The following UGP2 variants were observed in gnomAD, a reference collection of about 807,000 sequenced individuals.
UGP2 encodes UTP--glucose-1-phosphate uridylyltransferase.
Under a neutral mutation model 49.0 loss-of-function variants are expected in UGP2, and 40 were observed. The ratio of observed to expected loss-of-function variants is 0.82; its 90% CI spans 0.63 to 1.06. The LOEUF (loss-of-function observed/expected upper bound fraction) is 1.06, where lower values mean the gene tolerates loss of function less well. Ranked by LOEUF, UGP2 falls within the 50% of genes least tolerant of loss-of-function variation. The probability of loss-of-function intolerance (pLI) is 0.00; values close to 1 mark genes in which losing one functional copy is unlikely to be tolerated. For missense variants in UGP2, 460 were observed against 603.5 expected, an observed-to-expected ratio of 0.76 and a Z score of 2.49; for synonymous variants, 225 against 213.0, an observed-to-expected ratio of 1.06 and a Z score of -0.49.
chr2:63,870,211 C>T (rs938598369), intron 3 of UGP2, among the ~76,000 whole-genome samples: 6 of 152,142 alleles, frequency 3.9e-5, no homozygotes, highest in South Asian at 2.1e-4. Flanking sequence ...TGTGAGCCAC[C>T]GTGCCCGCCC....
At chr2:63,882,210 G>A (rs963742747) in intron 3 of UGP2, among the ~76,000 whole-genome samples, 6 of 152,098 alleles carry the variant, frequency 3.9e-5, no homozygotes, top group Admixed American at 6.5e-5. Context: ...AATATATAGG[G>A]CCTACAACTT....
intron 3 of UGP2, among the ~76,000 whole-genome samples, chr2:63,863,818 G>T (rs1366156353): frequency 1.3e-5 from 2 of 152,126 alleles, no homozygotes; most frequent in Non-Finnish European, 2.9e-5. Context: ...ATGAAAGATA[G>T]CTGAGAAGAA....
intron 1 of UGP2, among the ~76,000 whole-genome samples, chr2:63,844,287 G>C (rs1383159253): frequency 1.3e-5 from 2 of 152,142 alleles, no homozygotes; most frequent in Non-Finnish European, 2.9e-5. Flanking sequence ...TCAAGTGTAA[G>C]GGTTGGAAAT....
Position 63,886,365 on chromosome 2 carries a change from G to C in UGP2, c.898G>C (p.Gly300Arg). Reference protein sequence around the residue: ...VKGGTLTQYEGKLRLVEIAQV... With the variant: ...VKGGTLTQYERKLRLVEIAQV... ...GGGCGGGACACTCACTCAATATGAA[G>C]GCAAACTGAGACTGGTGGAAATTGC... Residue 300 changes from glycine to arginine, a missense_variant, in exon 7 of 10, where the codon GGC (glycine) becomes CGC (arginine). Gly to Arg is a moderately radical substitution (Grantham distance 125). Around this residue, in one of 2 missense-constraint regions of UGP2, gnomAD observed 317 missense variants for 473.0 expected, o/e 0.67. Transcript: ENST00000337130. 6.2e-7 allele frequency: 1 copy of C among 1,614,148 alleles called. No individual in the cohort carries two copies. Among genetic ancestry groups the C allele is most frequent in the African/African-American group, 1.3e-5 (1 of 75,040 alleles).
At chr2:63,880,356 T>C (rs1182654009) in intron 3 of UGP2, among the ~76,000 whole-genome samples, 1 of 151,918 alleles carries the variant, frequency 6.6e-6, no homozygotes, top group Non-Finnish European at 1.5e-5. Flanking sequence ...GTATTTTTTG[T>C]AGGGTCGGGG....
At chr2:63,856,535 C>T in intron 2 of UGP2, 102 bp downstream of exon 2, 1 of 1,340,510 alleles carries the variant, frequency 7.5e-7, no homozygotes, top group Admixed American at 2.3e-5. Context: ...CTCAAATCAG[C>T]ACAAGATGTA....
rs780064669 is a variant in UGP2 at position 63,886,373 on chromosome 2, G to C, written c.906G>C (p.Leu302=). 3 of 1,614,180 alleles carry C rather than the reference G, an allele frequency of 1.9e-6. No homozygotes were observed. The highest frequency in any genetic ancestry group is 3.3e-5 in the Admixed American group (2 of 60,026). Residue 302 remains leucine (L), a synonymous_variant, in exon 7 of 10, where the codon CTG becomes CTC. Transcript: ENST00000337130. ...GGTLTQYEGK[L]RLVEIAQVPK... ...CACTCACTCAATATGAAGGCAAACTGAGACTGGTGGAAATTGCTCAAGTGC... is the reference window on the plus strand; with the variant it reads ...CACTCACTCAATATGAAGGCAAACTCAGACTGGTGGAAATTGCTCAAGTGC...
chr2:63,845,379 A>G (rs1030526618), intron 1 of UGP2, among the ~76,000 whole-genome samples: 1 of 152,224 alleles, frequency 6.6e-6, no homozygotes, highest in African/African-American at 2.4e-5. Flanking sequence ...CTTTCCTGAA[A>G]TGATGGTGGC....
At chr2:63,845,860 C>G (rs1671893295) in intron 1 of UGP2, among the ~76,000 whole-genome samples, 1 of 152,110 alleles carries the variant, frequency 6.6e-6, no homozygotes, top group Non-Finnish European at 1.5e-5. Context: ...CTGGGTATCT[C>G]CATCCTCAAG....
intron 8 of UGP2, 158 bp downstream of exon 8, chr2:63,887,802 T>A: frequency 2.1e-6 from 2 of 963,778 alleles, no homozygotes; most frequent in Non-Finnish European, 3.0e-6. Flanking sequence ...CCATAGAAGA[T>A]AAATATTTTA....
At chr2:63,879,708 A>T (rs10195129) in intron 3 of UGP2, among the ~76,000 whole-genome samples, 221 of 152,292 alleles carry the variant, frequency 1.5e-3, no homozygotes, top group African/African-American at 4.8e-3. Flanking sequence ...TTCCTTTTTT[A>T]AAAATGTTAT....
intron 1 of UGP2, among the ~76,000 whole-genome samples, chr2:63,844,495 C>T (rs1377306859): frequency 2.0e-5 from 3 of 151,644 alleles, no homozygotes; most frequent in African/African-American, 4.9e-5. Flanking sequence ...GATTTTTTAT[C>T]CTGCCCTTAC....
intron 1 of UGP2, among the ~76,000 whole-genome samples, chr2:63,854,613 A>C (rs193074698): frequency 7.8e-4 from 119 of 152,312 alleles, no homozygotes; most frequent in African/African-American, 2.5e-3. Flanking sequence ...CTTCTTGTCT[A>C]AGCACTCTTC....
chr2:63,891,022 T>G (rs1672109079), intron 9 of UGP2, 98 bp from the exon 10 acceptor site: 1 of 874,642 alleles, frequency 1.1e-6, no homozygotes, highest in Non-Finnish European at 1.7e-6. Flanking sequence ...GTTACTTCAC[T>G]GTAAAAAAAA....
At chr2:63,854,445 T>C (rs148950334) in intron 1 of UGP2, among the ~76,000 whole-genome samples, 1 of 152,212 alleles carries the variant, frequency 6.6e-6, no homozygotes, top group African/African-American at 2.4e-5. Context: ...CTGAGAATGT[T>C]AAATCCAAGA....
At chr2:63,889,401 A>G (rs6546037) in intron 8 of UGP2, 148,802 of 152,234 alleles carry the variant, frequency 0.98, 72,729 homozygotes, top group East Asian at 1. Context: ...TTGATAGGCC[A>G]TAAGAAGGGA....
chr2:63,871,650 C>T (rs1173409395), intron 3 of UGP2, among the ~76,000 whole-genome samples: 1 of 152,212 alleles, frequency 6.6e-6, no homozygotes, highest in Non-Finnish European at 1.5e-5. Flanking sequence ...ATTTCTGTTA[C>T]CAATTACATA....
At position 63,866,695 on chromosome 2, in the gene UGP2, A is replaced by G. The variant is rs184189645; in HGVS notation, c.255+8759A>G. On this transcript the variant is annotated intron_variant, in intron 3 of 9. Transcript: ENST00000337130. The stretch of plus-strand genomic sequence containing the variant: ...TATAATTTTTATAGTACTCCTGGAG[A>G]ATAAGAATGCAAATAGGTGGGAAAT... Among the ~76,000 whole-genome samples, 164 of 152,296 alleles carry G rather than the reference A, an allele frequency of 1.1e-3. 1 individual carries two copies. The highest frequency in any genetic ancestry group is 2.9e-3 in the Admixed American group (44 of 15,304).
chr2:63,859,666 A>G (rs1669699091), intron 3 of UGP2, among the ~76,000 whole-genome samples: 1 of 152,204 alleles, frequency 6.6e-6, no homozygotes, highest in Non-Finnish European at 1.5e-5. Context: ...CAGAATTGAT[A>G]TAGGACAAAA....
Sources: gnomAD v4.1 joint callset for allele counts (sites outside exome capture counted in the v4.1 genomes callset) on GRCh38, gnomAD v4.1.1 for gene constraint, gnomAD v4.1.1 regional missense constraint, MANE v1.5 for transcripts, NCBI Gene and HGNC (gene_info 2026-07-23, HGNC 2026-07-21) for gene names.